The following MAPK10 variants were observed in gnomAD, a reference collection of about 807,000 sequenced individuals.
MAPK10 encodes the protein mitogen-activated protein kinase 10.
In MAPK10, 25 loss-of-function variants were observed where a neutral mutation model predicts 59.3. The ratio of observed to expected loss-of-function variants is 0.42; its 90% CI spans 0.31 to 0.59. The LOEUF (loss-of-function observed/expected upper bound fraction) is 0.59. MAPK10 is among the 20% of genes least tolerant of loss of function. The pLI is 0.15. For missense variants in MAPK10, 351 were observed against 568.9 expected (o/e 0.62, Z 3.90); for synonymous variants, 190 against 200.5 (o/e 0.95, Z 0.44).
At chr4:86,092,390 A>G (rs888436750) in intron 9 of MAPK10, among the ~76,000 whole-genome samples, 13 of 152,088 alleles carry the variant, frequency 8.5e-5, no homozygotes, top group Non-Finnish European at 1.6e-4. Flanking sequence ...ATATGCACAT[A>G]AATTTATATA....
intron 8 of MAPK10, chr4:86,098,810 A>G (rs548659075): frequency 7.3e-5 from 34 of 467,182 alleles, no homozygotes; most frequent in African/African-American, 6.2e-4. Flanking sequence ...TTAAAAACCC[A>G]TTACTTTGTG....
At chr4:86,061,544 A>G (rs1453888933) in intron 11 of MAPK10, among the ~76,000 whole-genome samples, 1 of 152,164 alleles carries the variant, frequency 6.6e-6, no homozygotes, top group East Asian at 1.9e-4. Flanking sequence ...TTATGACAAC[A>G]TTCATTCATA....
intron 2 of MAPK10, among the ~76,000 whole-genome samples, chr4:86,195,399 C>T (rs568429237): frequency 4.6e-5 from 7 of 150,692 alleles, no homozygotes; most frequent in African/African-American, 1.2e-4. Flanking sequence ...ATAAAATACA[C>T]AAAACATCTT....
At chr4:86,547,543 C>G (rs1481077112) in intron 1 of MAPK10, among the ~76,000 whole-genome samples, 2 of 152,202 alleles carry the variant, frequency 1.3e-5, no homozygotes, top group Non-Finnish European at 2.9e-5. Context: ...CTCCCCCGCG[C>G]TCCCTGGGCT....
At chr4:86,223,223 TACA>T (rs945061664) in intron 2 of MAPK10, among the ~76,000 whole-genome samples, 1 of 152,200 alleles carries the variant, frequency 6.6e-6, no homozygotes, top group Non-Finnish European at 1.5e-5. Flanking sequence ...GGCCCCCTTT[TACA>T]ACAGAAGCCT....
chr4:86,200,105 G>A (rs184993962), intron 2 of MAPK10, among the ~76,000 whole-genome samples: 8 of 152,030 alleles, frequency 5.3e-5, no homozygotes, highest in South Asian at 2.1e-4. Context: ...ATTTTATTGC[G>A]TGTCCAGGGA....
rs546037264 is a variant in MAPK10, at chr4:86,343,839, C to T, written c.-7+10691G>A. On this transcript the variant is annotated intron_variant, in intron 2 of 13. Coordinates refer to ENST00000641462, the MANE Select transcript of MAPK10 (RefSeq NM_138982.4). ...AGATTGGCAAAAGTGTAAAACAATG[C>T]CACTTTGTCACTAAATTATTTTTAT... Among the ~76,000 whole-genome samples the T allele has an allele frequency of 2.0e-5, 3 of 152,094 alleles. No individual in the cohort carries two copies. The South Asian group carries it at 6.2e-4, about 32-fold the overall frequency.
At chr4:86,060,913 C>T (rs1321185522) in intron 11 of MAPK10, among the ~76,000 whole-genome samples, 1 of 152,070 alleles carries the variant, frequency 6.6e-6, no homozygotes, top group African/African-American at 2.4e-5. Context: ...GTCTTTTTCA[C>T]CAGACGCATA....
chr4:86,383,275 A>G (rs1449943018), intron 1 of MAPK10, among the ~76,000 whole-genome samples: 2 of 152,146 alleles, frequency 1.3e-5, no homozygotes, highest in Non-Finnish European at 2.9e-5. Context: ...GCAGCCCACA[A>G]GCAGCAAATC....
intron 3 of MAPK10, among the ~76,000 whole-genome samples, chr4:86,189,691 C>A (rs531199716): frequency 6.6e-6 from 1 of 152,302 alleles, no homozygotes; most frequent in South Asian, 2.1e-4. Flanking sequence ...ATGTCATCTG[C>A]AAACAGAGAA....
At chr4:86,363,583 C>T (rs545015207), upstream of MAPK10, among the ~76,000 whole-genome samples, 1 of 152,130 alleles carries the variant, frequency 6.6e-6, no homozygotes, top group African/African-American at 2.4e-5. Context: ...TATATGTATA[C>T]AATGTGGAGT....
rs748554852 is a variant in MAPK10 at position 86,029,127 on chromosome 4, GCAACCCCTA to G, written c.1252+61_1252+69del. On this transcript the variant is annotated intron_variant, in intron 13 of 13. Coordinates refer to ENST00000641462, the MANE Select transcript of MAPK10 (RefSeq NM_138982.4). ...TTTAAGCAATGTTATGTTATTTCTT[GCAACCCCTA>G]CACAAAGGCCAAGAAATTACACAAG... is the stretch of plus-strand genomic sequence containing the variant. 1.1e-4 allele frequency: 101 copies of G among 946,916 alleles called. No homozygotes were observed. The East Asian group carries it at 2.4e-3, about 23-fold the overall frequency. 58.7% of individuals were successfully genotyped at this position (946,916 alleles called of 1,614,324 possible). A position where few individuals can be genotyped will look rare whatever the true frequency, so the allele number is the denominator to read the frequency against.
At chr4:86,158,450 A>G (rs2068509588) in intron 4 of MAPK10, among the ~76,000 whole-genome samples, 1 of 151,786 alleles carries the variant, frequency 6.6e-6, no homozygotes, top group South Asian at 2.1e-4. Flanking sequence ...TTTTAAATGG[A>G]CATTATGAAT....
upstream of MAPK10, among the ~76,000 whole-genome samples, chr4:86,457,572 A>G (rs1751346806): frequency 6.6e-6 from 1 of 152,208 alleles, no homozygotes; most frequent in African/African-American, 2.4e-5. Context: ...TGCAAAACAA[A>G]ATAAAATAAT....
At chr4:86,441,489 C>T (rs892611573) in intron 1 of MAPK10, among the ~76,000 whole-genome samples, 7 of 152,222 alleles carry the variant, frequency 4.6e-5, no homozygotes, top group Non-Finnish European at 5.9e-5. Flanking sequence ...GTTCCAGGGA[C>T]ATGCTATTTC....
chr4:86,027,786 A>G (rs1751105312), intron 13 of MAPK10: 1 of 152,264 alleles, frequency 6.6e-6, no homozygotes, highest in Non-Finnish European at 1.5e-5. Context: ...ATTACAATCA[A>G]TACGGGATAA....
intron 4 of MAPK10, among the ~76,000 whole-genome samples, chr4:86,150,688 C>T (rs1256785055): frequency 6.6e-6 from 1 of 152,066 alleles, no homozygotes; most frequent in Non-Finnish European, 1.5e-5. Context: ...GGTGAAACCC[C>T]GTCTCTACTA....
At chr4:86,251,408 G>A (rs1444843985) in intron 2 of MAPK10, among the ~76,000 whole-genome samples, 2 of 149,302 alleles carry the variant, frequency 1.3e-5, no homozygotes, top group Admixed American at 6.7e-5. Flanking sequence ...CCCCACCTAT[G>A]AGTGAGAATA....
rs141012567 is a variant in MAPK10 at position 86,538,231 on chromosome 4, C to T, written c.-263+55679G>A. Among the ~76,000 whole-genome samples, 903 of 152,110 alleles carry T rather than the reference C, an allele frequency of 5.9e-3. 13 individuals carry two copies. Among genetic ancestry groups the T allele is most frequent in the African/African-American group, 0.02 (843 of 41,490 alleles). The stretch of plus-strand genomic sequence containing the variant: ...TCACAATCTTGGCTCACCGCAACCT[C>T]TGCCTCCCAGGTTCAAGCGATTCTC... On this transcript the variant is annotated intron_variant, in intron 1 of 4. Coordinates refer to the MAPK10 transcript ENST00000502302.
Sources: allele counts gnomAD v4.1 joint callset (sites outside exome capture counted in the v4.1 genomes callset), GRCh38; gene constraint gnomAD v4.1.1; transcripts MANE v1.5; gene names NCBI Gene and HGNC (gene_info 2026-07-23, HGNC 2026-07-21).